Variants in PDE10A observed in about 807,000 individuals in gnomAD.
The protein encoded by PDE10A is cAMP and cAMP-inhibited cGMP 3',5'-cyclic phosphodiesterase 10A.
Under a neutral mutation model 97.7 loss-of-function variants are expected in PDE10A, and 39 were observed. The ratio of observed to expected loss-of-function variants is 0.40; its 90% CI spans 0.31 to 0.52. The LOEUF is 0.52. Among genes scored for constraint, PDE10A ranks in the 20% least tolerant of loss-of-function variants. The probability of loss-of-function intolerance (pLI) is 0.56; values close to 1 mark genes in which losing one functional copy is unlikely to be tolerated. For missense variants in PDE10A, 731 were observed against 1,047.8 expected, an observed-to-expected ratio of 0.70 and a Z score of 4.17; for synonymous variants, 371 against 376.8, an observed-to-expected ratio of 0.98 and a Z score of 0.18.
intron 1 of PDE10A, among the ~76,000 whole-genome samples, chr6:165,754,631 ATTAC>A (rs1453048527): frequency 1.3e-5 from 2 of 152,150 alleles, no homozygotes; most frequent in Admixed American, 6.5e-5. Flanking sequence ...AAACAGTTAT[ATTAC>A]TTAATTGGTT....
Position 165,751,452 on chromosome 6 carries a change from T to C in PDE10A, c.-614-207884A>G, listed in dbSNP as rs1464351215. ...CCTTTGAGATGAGGCCATGAAGGAC[T>C]GTGGCTCTGTGCTGCTCACATGCCT... On this transcript the variant is annotated intron_variant, in intron 1 of 19. Coordinates refer to the PDE10A transcript ENST00000366882. 2.0e-5 allele frequency among the ~76,000 whole-genome samples: 3 copies of C among 152,184 alleles called. No homozygotes were observed. In the East Asian group the frequency reaches 5.8e-4, roughly 29 times the overall value.
chr6:165,944,484 T>C (rs181706470), intron 1 of PDE10A, among the ~76,000 whole-genome samples: 1 of 152,350 alleles, frequency 6.6e-6, no homozygotes, highest in Admixed American at 6.5e-5. Context: ...TTTCTCAAGG[T>C]GATCTTTTCA....
At chr6:165,595,655 C>T (rs762944419) in intron 1 of PDE10A, among the ~76,000 whole-genome samples, 5 of 152,176 alleles carry the variant, frequency 3.3e-5, no homozygotes, top group Non-Finnish European at 7.3e-5. Flanking sequence ...ACACCTTAGA[C>T]TGGATAATCT....
chr6:165,722,292 G>A (rs558611662), intron 1 of PDE10A, among the ~76,000 whole-genome samples: 19 of 152,282 alleles, frequency 1.2e-4, no homozygotes, highest in African/African-American at 2.9e-4. Flanking sequence ...GCACTGCTCC[G>A]TGTGTTTATA....
At chr6:165,432,808 G>C (rs1210360767) in intron 7 of PDE10A, among the ~76,000 whole-genome samples, 166 bp downstream of exon 7, 1 of 152,060 alleles carries the variant, frequency 6.6e-6, no homozygotes, top group Non-Finnish European at 1.5e-5. Flanking sequence ...AACAGAAACA[G>C]GTTTTAAAAT....
At chr6:165,912,226 C>T (rs993215916) in intron 1 of PDE10A, among the ~76,000 whole-genome samples, 1 of 152,162 alleles carries the variant, frequency 6.6e-6, no homozygotes, top group Non-Finnish European at 1.5e-5. Flanking sequence ...CCTATCTACA[C>T]ACACACACAC....
chr6:165,733,384 A>G (rs948097272), intron 1 of PDE10A, among the ~76,000 whole-genome samples: 1 of 152,146 alleles, frequency 6.6e-6, no homozygotes, highest in African/African-American at 2.4e-5. Context: ...TAAACCAGTA[A>G]TTTGTGGTGT....
At chr6:165,608,181 A>G (rs1787315031) in intron 1 of PDE10A, among the ~76,000 whole-genome samples, 1 of 151,244 alleles carries the variant, frequency 6.6e-6, no homozygotes, top group Admixed American at 6.6e-5. Flanking sequence ...TTACGTATGT[A>G]TACATGTGCC....
chr6:165,415,531 A>G (rs1028996038), intron 12 of PDE10A, among the ~76,000 whole-genome samples: 1 of 152,244 alleles, frequency 6.6e-6, no homozygotes, highest in African/African-American at 2.4e-5. Flanking sequence ...AAGTCAAAAC[A>G]AAACAAAAAA....
chr6:165,626,583 A>G (rs946973544), intron 1 of PDE10A, among the ~76,000 whole-genome samples: 81 of 152,244 alleles, frequency 5.3e-4, no homozygotes, highest in African/African-American at 1.8e-3. Context: ...ACACTTTCCA[A>G]TCTTTCACAG....
intron 2 of PDE10A, among the ~76,000 whole-genome samples, chr6:165,511,876 T>C (rs1419181241): frequency 1.3e-5 from 2 of 152,092 alleles, no homozygotes; most frequent in Admixed American, 6.6e-5. Context: ...AATATCTTTT[T>C]CCATCACTTT....
chr6:165,427,804 A>C (rs1346096931), intron 10 of PDE10A, among the ~76,000 whole-genome samples: 2 of 152,112 alleles, frequency 1.3e-5, no homozygotes, highest in African/African-American at 4.8e-5. Context: ...AAATTCCTTC[A>C]GTTGTTTCAT....
chr6:165,790,363 G>A lies in PDE10A; in HGVS notation c.-615+197166C>T, dbSNP rs554699214. Among the ~76,000 whole-genome samples the A allele has an allele frequency of 2.6e-5, 4 of 152,266 alleles. No individual in the cohort carries two copies. The South Asian group carries it at 8.3e-4, about 32-fold the overall frequency. ...AGAAAAGATTTCTGACTACTACATG[G>A]AATATGCCCTGAAAACAGCGGTGCT... On this transcript the variant is annotated intron_variant, in intron 1 of 19. Transcript: ENST00000366882.
chr6:165,800,472 G>A (rs111414950), intron 1 of PDE10A, among the ~76,000 whole-genome samples: 9 of 152,246 alleles, frequency 5.9e-5, no homozygotes, highest in East Asian at 3.9e-4. Flanking sequence ...AGGTGTGAGC[G>A]TCCCTCTGGC....
intron 1 of PDE10A, among the ~76,000 whole-genome samples, chr6:165,700,729 T>C (rs9355545): frequency 0.68 from 103,309 of 152,120 alleles, 36,041 homozygotes; most frequent in African/African-American, 0.84. Context: ...CCTTCCATTT[T>C]TGAATAGCAT....
In PDE10A at chr6:165,887,593, A is replaced by G. The variant is rs188705078; in HGVS notation, c.-615+99936T>C. Among the ~76,000 whole-genome samples, 343 of 152,238 alleles carry G rather than the reference A, an allele frequency of 2.3e-3. 1 individual carries two copies. The highest frequency in any genetic ancestry group is 3.8e-3 in the Non-Finnish European group (261 of 68,000). On this transcript the variant is annotated intron_variant, in intron 1 of 19. Coordinates refer to the PDE10A transcript ENST00000366882. ...GCGTTCCCAGGCCTTCTCTTCTCAT[A>G]ACTCTTCCAGTGACTAAGACCAATA...
chr6:165,707,164 T>C (rs1791731125), intron 1 of PDE10A, among the ~76,000 whole-genome samples: 1 of 152,252 alleles, frequency 6.6e-6, no homozygotes. Context: ...GGAATGGTGC[T>C]AACAGTGATC....
intron 19 of PDE10A, among the ~76,000 whole-genome samples, chr6:165,339,842 A>T (rs1781874780): frequency 1.3e-5 from 2 of 152,346 alleles, no homozygotes; most frequent in South Asian, 4.1e-4. Context: ...ATATCATCTA[A>T]TTTACAATTA....
chr6:165,635,397 C>T (rs912997137), intron 1 of PDE10A, among the ~76,000 whole-genome samples: 9 of 152,160 alleles, frequency 5.9e-5, no homozygotes, highest in African/African-American at 1.9e-4. Context: ...TGAATACCAG[C>T]ACCAGTTTAG....
Sources: gnomAD v4.1 joint callset for allele counts (sites outside exome capture counted in the v4.1 genomes callset) on GRCh38, gnomAD v4.1.1 for gene constraint, MANE v1.5 for transcripts, NCBI Gene and HGNC (gene_info 2026-07-23, HGNC 2026-07-21) for gene names.